Variants in MGAT4C observed in about 807,000 individuals in gnomAD.
MGAT4C encodes the protein alpha-1,3-mannosyl-glycoprotein 4-beta-N-acetylglucosaminyltransferase C.
Under a neutral mutation model 40.1 loss-of-function variants are expected in MGAT4C, and 19 were observed. The observed-to-expected ratio is 0.47, with a 90% CI of 0.33 to 0.70. The LOEUF is 0.70. Among genes scored for constraint, MGAT4C ranks in the 30% least tolerant of loss-of-function variants. The pLI, the probability that MGAT4C is intolerant of heterozygous loss-of-function variation, is 0.02. For synonymous variants in MGAT4C, 181 were observed against 187.1 expected, an observed-to-expected ratio of 0.97 and a Z score of 0.27; for missense variants, 491 against 563.2, an observed-to-expected ratio of 0.87 and a Z score of 1.30.
At chr12:86,042,859 C>A (rs898283986) in intron 2 of MGAT4C, among the ~76,000 whole-genome samples, 2 of 106,406 alleles carry the variant, frequency 1.9e-5, no homozygotes, top group African/African-American at 3.6e-5. Context: ...CAGAGCAAGA[C>A]TCTGTCTCAA....
intron 1 of MGAT4C, among the ~76,000 whole-genome samples, chr12:86,136,509 G>A (rs1402243509): frequency 6.6e-6 from 1 of 152,136 alleles, no homozygotes. Context: ...AATAAGATTA[G>A]ACAAGCAGTT....
At chr12:86,018,140 C>T (rs1889279717) in intron 2 of MGAT4C, among the ~76,000 whole-genome samples, 1 of 152,108 alleles carries the variant, frequency 6.6e-6, no homozygotes, top group Non-Finnish European at 1.5e-5. Flanking sequence ...TCCTTCAACT[C>T]TTCAGGGTTG....
At chr12:86,144,067 A>G (rs940437966) in intron 1 of MGAT4C, among the ~76,000 whole-genome samples, 6 of 152,198 alleles carry the variant, frequency 3.9e-5, no homozygotes, top group African/African-American at 1.4e-4. Flanking sequence ...GGTTTGCTGA[A>G]GAGGGAGCCA....
chr12:86,046,233 C>T (rs1237622161), intron 2 of MGAT4C, among the ~76,000 whole-genome samples: 2 of 152,170 alleles, frequency 1.3e-5, no homozygotes, highest in African/African-American at 4.8e-5. Flanking sequence ...CCTCTCCCAT[C>T]AAGAAGTGAA....
chr12:86,212,035 C>T (rs952268763), intron 1 of MGAT4C, among the ~76,000 whole-genome samples: 4 of 152,122 alleles, frequency 2.6e-5, no homozygotes, highest in African/African-American at 9.7e-5. Flanking sequence ...TACCTCCTAA[C>T]GTTTCTATCA....
intron 1 of MGAT4C, among the ~76,000 whole-genome samples, chr12:86,788,298 GTT>G (rs373080606): frequency 1.0e-3 from 139 of 137,888 alleles, no homozygotes; most frequent in African/African-American, 3.5e-3. Flanking sequence ...TCATTATTAG[GTT>G]TTTTTTTTTT....
intron 4 of MGAT4C, among the ~76,000 whole-genome samples, chr12:86,272,756 C>G (rs1225526503): frequency 6.6e-6 from 1 of 151,972 alleles, no homozygotes; most frequent in Non-Finnish European, 1.5e-5. Context: ...GGAGGCTGCA[C>G]TGGGAGGGTC....
chr12:86,739,323 A>G (rs1019111414), intron 1 of MGAT4C, among the ~76,000 whole-genome samples: 1 of 147,714 alleles, frequency 6.8e-6, no homozygotes, highest in Non-Finnish European at 1.5e-5. Context: ...TAAAGAGTAA[A>G]TTTCCAAATT....
chr12:86,648,116 T>C (rs1963594810), intron 2 of MGAT4C, among the ~76,000 whole-genome samples: 1 of 152,008 alleles, frequency 6.6e-6, no homozygotes, highest in Middle Eastern at 3.4e-3. Flanking sequence ...ACAAGAAGGT[T>C]CAATCTAGGT....
intron 2 of MGAT4C, among the ~76,000 whole-genome samples, chr12:86,674,726 G>T (rs972907459): frequency 3.3e-5 from 5 of 151,940 alleles, no homozygotes; most frequent in African/African-American, 1.2e-4. Flanking sequence ...TAATTTTAAA[G>T]CTAAATATAA....
At chr12:86,421,601 C>A (rs1371632889) in intron 3 of MGAT4C, among the ~76,000 whole-genome samples, 1 of 152,054 alleles carries the variant, frequency 6.6e-6, no homozygotes, top group Non-Finnish European at 1.5e-5. Flanking sequence ...CCTAGAGAAA[C>A]CCCGTCTCTA....
chr12:86,170,012 G>A (rs565807787), intron 1 of MGAT4C, among the ~76,000 whole-genome samples: 3 of 152,254 alleles, frequency 2.0e-5, no homozygotes, highest in African/African-American at 7.2e-5. Flanking sequence ...CAGGCCAGAG[G>A]CATTCCCATG....
At chr12:86,382,852 GC>G (rs1236128172) in intron 3 of MGAT4C, among the ~76,000 whole-genome samples, 4 of 152,240 alleles carry the variant, frequency 2.6e-5, no homozygotes, top group Non-Finnish European at 5.9e-5. Context: ...GGGTTTGGGA[GC>G]CTTTGGCTTG....
At chr12:86,784,940 G>A (rs1357823254) in intron 1 of MGAT4C, among the ~76,000 whole-genome samples, 7 of 151,968 alleles carry the variant, frequency 4.6e-5, no homozygotes, top group Non-Finnish European at 2.9e-5. Context: ...AACCATATCA[G>A]TTTCATATCA....
Position 86,106,677 on chromosome 12 carries a change from A to G in MGAT4C, c.-56-56954T>C, listed in dbSNP as rs552955107. The stretch of plus-strand genomic sequence containing the variant: ...TGGTCTTTTTTTTTTCCTCTGAGTG[A>G]CCTAATTTTTGCCCTAATCCTTTAG... On this transcript the variant is annotated intron_variant, in intron 1 of 4. Coordinates refer to ENST00000611864, the MANE Select transcript of MGAT4C (RefSeq NM_001351288.2). Among the ~76,000 whole-genome samples the G allele has an allele frequency of 8.6e-5, 13 of 151,188 alleles. No homozygotes were observed. In the East Asian group the frequency reaches 2.5e-3, roughly 29 times the overall value.
At chr12:86,363,585 AAG>A (rs1364787475) in intron 3 of MGAT4C, among the ~76,000 whole-genome samples, 1 of 152,070 alleles carries the variant, frequency 6.6e-6, no homozygotes, top group Non-Finnish European at 1.5e-5. Context: ...AAACAACACA[AAG>A]AGAAAAAAAT....
chr12:86,114,335 T>A (rs1878002352), intron 1 of MGAT4C, among the ~76,000 whole-genome samples: 1 of 151,870 alleles, frequency 6.6e-6, no homozygotes, highest in African/African-American at 2.4e-5. Flanking sequence ...TTCTTATTAT[T>A]GTGATCTGAG....
chr12:86,168,961 A>G (rs2135823551), intron 1 of MGAT4C, among the ~76,000 whole-genome samples: 1 of 152,232 alleles, frequency 6.6e-6, no homozygotes, highest in Non-Finnish European at 1.5e-5. Flanking sequence ...GATTGTTTGT[A>G]TCGCTTTGTG....
chr12:85,999,605 A>ATG (rs1887068116), intron 2 of MGAT4C, among the ~76,000 whole-genome samples: 1 of 150,976 alleles, frequency 6.6e-6, no homozygotes, highest in Non-Finnish European at 1.5e-5. Context: ...ATATATATAT[A>ATG]TATACATACA....
Sources: allele counts gnomAD v4.1 joint callset (sites outside exome capture counted in the v4.1 genomes callset), GRCh38; gene constraint gnomAD v4.1.1; transcripts MANE v1.5; gene names NCBI Gene and HGNC (gene_info 2026-07-23, HGNC 2026-07-21).